Variants in ADAMTS17 observed in about 807,000 individuals in gnomAD.
The protein encoded by ADAMTS17 is A disintegrin and metalloproteinase with thrombospondin motifs 17.
ADAMTS17 carries 113 observed loss-of-function variants against 141.5 expected under a neutral mutation model. The ratio of observed to expected loss-of-function variants is 0.80; its 90% CI spans 0.69 to 0.93. ADAMTS17 has a LOEUF of 0.93. Among genes scored for constraint, ADAMTS17 ranks in the 40% least tolerant of loss-of-function variants. The pLI is 0.00. For missense variants in ADAMTS17, 1,659 were observed against 1,517.9 expected, an observed-to-expected ratio of 1.09 and a Z score of -1.54; for synonymous variants, 768 against 630.6, an observed-to-expected ratio of 1.22 and a Z score of -3.27.
intron 10 of ADAMTS17, among the ~76,000 whole-genome samples, chr15:100,137,010 G>A (rs182063354): frequency 6.0e-4 from 91 of 152,318 alleles, no homozygotes; most frequent in African/African-American, 2.0e-3. Context: ...ATGTGGCCCA[G>A]GAAATTTATA....
chr15:100,069,398 C>G (rs1180521320), intron 15 of ADAMTS17, among the ~76,000 whole-genome samples: 2 of 152,134 alleles, frequency 1.3e-5, no homozygotes, highest in African/African-American at 4.8e-5. Context: ...GAGAAATCCA[C>G]AAAGATACTC....
At chr15:100,205,479 A>G (rs978237524) in intron 7 of ADAMTS17, among the ~76,000 whole-genome samples, 3 of 152,158 alleles carry the variant, frequency 2.0e-5, no homozygotes, top group Non-Finnish European at 2.9e-5. Context: ...CCTGCCAGAG[A>G]AGATGATGCT....
intron 18 of ADAMTS17, among the ~76,000 whole-genome samples, chr15:100,034,120 C>T (rs371923260): frequency 2.0e-5 from 3 of 152,244 alleles, no homozygotes; most frequent in African/African-American, 2.4e-5. Flanking sequence ...AGTGCCTTGA[C>T]CTTGCTGCTG....
chr15:100,026,726 A>T (rs1262444282), intron 18 of ADAMTS17, among the ~76,000 whole-genome samples: 1 of 152,184 alleles, frequency 6.6e-6, no homozygotes, highest in South Asian at 2.1e-4. Flanking sequence ...TCCCTATTAA[A>T]TGTTTCTTTC....
At chr15:100,212,800 G>A (rs1306721587) in intron 7 of ADAMTS17, among the ~76,000 whole-genome samples, 1 of 133,534 alleles carries the variant, frequency 7.5e-6, no homozygotes, top group Non-Finnish European at 1.6e-5. Context: ...CACCAACAAT[G>A]TCACTTGTAA....
At chr15:100,248,802 A>AT (rs56163057) in intron 7 of ADAMTS17, among the ~76,000 whole-genome samples, 11,461 of 141,668 alleles carry the variant, frequency 0.081, 893 homozygotes, top group African/African-American at 0.21. Context: ...TCTGGTGTTA[A>AT]TTTTTTTTTT....
chr15:100,138,700 G>A (rs1299631985), intron 10 of ADAMTS17, among the ~76,000 whole-genome samples: 2 of 152,168 alleles, frequency 1.3e-5, no homozygotes, highest in African/African-American at 2.4e-5. Flanking sequence ...AATAGAAAGA[G>A]TTGGGCAGAG....
chr15:100,117,863 T>C (rs1330177002), intron 12 of ADAMTS17, among the ~76,000 whole-genome samples: 1 of 152,230 alleles, frequency 6.6e-6, no homozygotes, highest in African/African-American at 2.4e-5. Context: ...ATTCAGTCTA[T>C]GAAAGAAAGA....
At chr15:100,005,296 G>A in intron 18 of ADAMTS17, among the ~76,000 whole-genome samples, 1 of 152,136 alleles carries the variant, frequency 6.6e-6, no homozygotes, top group Non-Finnish European at 1.5e-5. Flanking sequence ...AAATAACACA[G>A]ATTTATTATC....
In ADAMTS17 at chr15:100,281,442, T is replaced by C. The variant is rs7497712; in HGVS notation, c.617-41A>G. ...AACATTTGTGCGGTCCTTGGCTTAC[T>C]GACTTCCAAAACCATGCAGTGAACA... On this transcript the variant is annotated intron_variant, in intron 3 of 21. Coordinates refer to ENST00000268070, the MANE Select transcript of ADAMTS17 (RefSeq NM_139057.4). 0.37 allele frequency: 596,253 copies of C among 1,590,156 alleles called. 117,625 individuals carry two copies. Among genetic ancestry groups the C allele is most frequent in the South Asian group, 0.58 (51,131 of 88,704 alleles).
Position 100,048,990 on chromosome 15 carries a change from C to G in ADAMTS17, c.2458G>C (p.Glu820Gln). Residue 820 changes from glutamate (E) to glutamine (Q), a missense_variant and splice_region_variant, in exon 18 of 22, where the codon GAG becomes CAG. Glu to Gln is a conservative substitution (Grantham distance 29, BLOSUM62 2). Coordinates refer to ENST00000268070, the MANE Select transcript of ADAMTS17 (RefSeq NM_139057.4). ...GTACACGAGACGATGGTTCTGCGCT[C>G]CCCTGGAAACCAAACCACAGGGAGC... is the stretch of plus-strand genomic sequence containing the variant. The part of the protein sequence containing the change: ...EGCSVQCGGG[E>Q]RRTIVSCTRI... 6.2e-7 allele frequency: 1 copy of G among 1,614,162 alleles called. No homozygotes were observed. The highest frequency in any genetic ancestry group is 8.5e-7 in the Non-Finnish European group (1 of 1,180,026).
At chr15:99,980,991 G>A (rs942185184) in intron 20 of ADAMTS17, among the ~76,000 whole-genome samples, 5 of 152,198 alleles carry the variant, frequency 3.3e-5, no homozygotes, top group Admixed American at 1.3e-4. Flanking sequence ...AGCACGGAAC[G>A]TTCCACAACA....
intron 15 of ADAMTS17, among the ~76,000 whole-genome samples, chr15:100,064,459 G>A (rs2033371156): frequency 6.6e-6 from 1 of 152,220 alleles, no homozygotes; most frequent in African/African-American, 2.4e-5. Context: ...GTGCATCAGT[G>A]AATAGTGGCC....
At chr15:100,002,451 G>A (rs1029708472) in intron 18 of ADAMTS17, among the ~76,000 whole-genome samples, 2 of 152,080 alleles carry the variant, frequency 1.3e-5, no homozygotes, top group Non-Finnish European at 2.9e-5. Context: ...TCTAGTGGAC[G>A]TGAGCAGCGA....
At chr15:100,289,489 G>A (rs966962220) in intron 3 of ADAMTS17, among the ~76,000 whole-genome samples, 1 of 151,604 alleles carries the variant, frequency 6.6e-6, no homozygotes, top group African/African-American at 2.4e-5. Flanking sequence ...CATTCTATAT[G>A]GTCAGCATCA....
chr15:100,115,826 C>T (rs1285267512), intron 13 of ADAMTS17, among the ~76,000 whole-genome samples: 1 of 152,226 alleles, frequency 6.6e-6, no homozygotes, highest in East Asian at 1.9e-4. Context: ...CCTCACTCCA[C>T]ACCCATGAAG....
chr15:100,251,164 G>C (rs1477015707), intron 7 of ADAMTS17, among the ~76,000 whole-genome samples: 2 of 152,238 alleles, frequency 1.3e-5, no homozygotes, highest in African/African-American at 4.8e-5. Context: ...CTGGGGATCA[G>C]GAGATAGGCT....
intron 18 of ADAMTS17, among the ~76,000 whole-genome samples, chr15:100,002,151 G>T (rs1408060682): frequency 6.6e-6 from 1 of 151,972 alleles, no homozygotes; most frequent in Admixed American, 6.5e-5. Flanking sequence ...ATCCTGGGCT[G>T]CTTTTTGTCT....
At chr15:100,126,320 T>A (rs750000550) in intron 12 of ADAMTS17, 2 of 152,210 alleles carry the variant, frequency 1.3e-5, no homozygotes, top group Admixed American at 6.5e-5. Context: ...AAAAGGAGCA[T>A]GTTGTTTTCA....
Sources: gnomAD v4.1 joint callset for allele counts (sites outside exome capture counted in the v4.1 genomes callset) on GRCh38, gnomAD v4.1.1 for gene constraint, MANE v1.5 for transcripts, NCBI Gene and HGNC (gene_info 2026-07-23, HGNC 2026-07-21) for gene names.